ATXN7L3: variants seen among roughly 807,000 people sequenced by gnomAD.
The protein encoded by ATXN7L3 is ataxin 7 like 3.
In ATXN7L3, 6 loss-of-function variants were observed where a neutral mutation model predicts 50.0. The ratio of observed to expected loss-of-function variants is 0.12; its 90% CI spans 0.07 to 0.24. The LOEUF is 0.24. Among genes scored for constraint, ATXN7L3 ranks in the 10% least tolerant of loss-of-function variants. ATXN7L3 has a pLI of 1.00. For missense variants in ATXN7L3, 322 were observed against 451.3 expected, an observed-to-expected ratio of 0.71 and a Z score of 2.60; for synonymous variants, 198 against 165.8, an observed-to-expected ratio of 1.19 and a Z score of -1.49.
In ATXN7L3 at chr17:44,193,515, T is replaced by G. The variant is rs2055771552; in HGVS notation, c.*748A>C. ...AGGGAGGAGAGGCAGGGGGAGGAATTCTGACACTTCTCCCTCTTCCTACCC... is the reference window on the plus strand; with the variant it reads ...AGGGAGGAGAGGCAGGGGGAGGAATGCTGACACTTCTCCCTCTTCCTACCC... On this transcript the variant is annotated 3_prime_UTR_variant, in exon 13 of 13. Transcript: ENST00000587097. The G allele has an allele frequency of 6.6e-6, 1 of 152,592 alleles. No homozygotes were observed. The highest frequency in any genetic ancestry group is 2.4e-5 in the African/African-American group (1 of 41,430). The allele number at this position is 152,592 out of a possible 1,614,324, so 9.5% of individuals were successfully genotyped here.
Position 44,194,796 on chromosome 17 carries a change from C to A in ATXN7L3, c.709G>T (p.Val237Leu). 2 of 1,614,164 alleles carry A rather than the reference C, an allele frequency of 1.2e-6. No individual in the cohort carries two copies. The highest frequency in any genetic ancestry group is 1.7e-6 in the Non-Finnish European group (2 of 1,180,012). ...GAGGGCCCGAGAAAATAAATCCGTA[C>A]GGTTCGCCTCTGCTCATCTGTGTGC... ...PQHTDEQRRT[V>L]RIYFLGPSAV... is the part of the protein sequence containing the mutation. Residue 237 changes from valine to leucine, a missense_variant, in exon 11 of 13, where the codon GTA becomes TTA. By Grantham distance (32) the Val-to-Leu change is conservative. Coordinates refer to ENST00000587097, the MANE Select transcript of ATXN7L3 (RefSeq NM_001382309.1).
chr17:44,194,598 G>A lies in ATXN7L3; in HGVS notation c.814C>T (p.Leu272Phe). ...MTDSQALISR[L>F]QWDGSSDLSP... The stretch of plus-strand genomic sequence containing the variant: ...AGGTCAGAGGAGCCGTCCCACTGAA[G>A]CCGGCTGATCAGGGCCTGGCTGTCA... The change falls in exon 12 of 13, where the codon CTT (leucine) becomes TTT (phenylalanine). Residue 272 changes from leucine to phenylalanine, a missense_variant. Coordinates refer to ENST00000587097, the MANE Select transcript of ATXN7L3 (RefSeq NM_001382309.1). 1 of 1,613,954 alleles carries A rather than the reference G, an allele frequency of 6.2e-7. No homozygotes were observed. Among genetic ancestry groups the A allele is most frequent in the South Asian group, 1.1e-5 (1 of 91,086 alleles).
intron 1 of ATXN7L3, chr17:44,198,521 C>A (rs543015465): frequency 6.3e-6 from 1 of 159,990 alleles, no homozygotes; most frequent in East Asian, 1.8e-4. Context: ...AATACACCCC[C>A]CGCCTTCCCT....
At chr17:44,199,317 G>A (rs2144498624) in intron 1 of ATXN7L3, 179 bp downstream of exon 1, 1 of 151,108 alleles carries the variant, frequency 6.6e-6, no homozygotes, top group African/African-American at 2.4e-5. Context: ...GAGAGCCAGG[G>A]GCCCCGGCCC....
rs553334344 is a variant in ATXN7L3 at position 44,196,020 on chromosome 17, C to G, written c.523+14G>C. 11 of 1,608,524 alleles carry G rather than the reference C, an allele frequency of 6.8e-6. No homozygotes were observed. In the African/African-American group the frequency reaches 1.5e-4, roughly 22 times the overall value. ...CACAGCTAGAAGCATTCCCATTGCT[C>G]CGGCTCCACTTACCATTTTTGTGTT... On this transcript the variant is annotated intron_variant, in intron 7 of 12. Transcript: ENST00000587097.
At chr17:44,194,876 C>A (rs2055826141) in intron 10 of ATXN7L3, 37 bp from the exon 11 acceptor site, 1 of 1,610,074 alleles carries the variant, frequency 6.2e-7, no homozygotes, top group Non-Finnish European at 8.5e-7. Context: ...TTCTGAGGAA[C>A]TCAGGTAAAG....
rs1181671928 is a variant in ATXN7L3 at position 44,194,663 on chromosome 17, T to C, written c.749A>G (p.Glu250Gly). The C allele has an allele frequency of 2.5e-6, 4 of 1,613,928 alleles. No individual in the cohort carries two copies. Among genetic ancestry groups the C allele is most frequent in the Non-Finnish European group, 3.4e-6 (4 of 1,179,972 alleles). The change falls in exon 12 of 13, where the codon GAG becomes GGG. Residue 250 changes from glutamate to glycine, a missense_variant. Coordinates refer to ENST00000587097, the MANE Select transcript of ATXN7L3 (RefSeq NM_001382309.1). ...YFLGPSAVLP[E>G]VESSLDNDSF... ...GTCATTATCCAGGGAGCTCTCGACCTCTGGAAGGACACTGGAAAGGGGATG... is the reference window on the plus strand; with the variant it reads ...GTCATTATCCAGGGAGCTCTCGACCCCTGGAAGGACACTGGAAAGGGGATG...
In ATXN7L3 at chr17:44,195,240, G is replaced by A. The variant is rs556722642; in HGVS notation, c.622-100C>T. On this transcript the variant is annotated intron_variant, in intron 9 of 12. Transcript: ENST00000587097. ...AATGCTAGATAGCACAAGCAGAGATGGCCCAAAGGTGTCCAGAGCAGATGG... is the reference window on the plus strand; with the variant it reads ...AATGCTAGATAGCACAAGCAGAGATAGCCCAAAGGTGTCCAGAGCAGATGG... 1.8e-4 allele frequency: 256 copies of A among 1,422,570 alleles called. 1 individual carries two copies. In the South Asian group the frequency reaches 2.7e-3, roughly 15 times the overall value. 88.1% of individuals were successfully genotyped at this position (1,422,570 alleles called of 1,614,324 possible). A position where few individuals can be genotyped will look rare whatever the true frequency, so the allele number is the denominator to read the frequency against.
intron 8 of ATXN7L3, 134 bp downstream of exon 8, chr17:44,195,666 G>A: frequency 2.4e-6 from 3 of 1,226,240 alleles, no homozygotes; most frequent in Non-Finnish European, 3.6e-6. Flanking sequence ...GACTCAGAAA[G>A]AACATAAATA....
At chr17:44,196,231 C>T (rs1384526761) in intron 6 of ATXN7L3, 152 bp from the exon 7 acceptor site, 11 of 793,022 alleles carry the variant, frequency 1.4e-5, no homozygotes, top group Middle Eastern at 3.8e-4. Context: ...TGCCCTCCCC[C>T]ACCCCCCTTC....
chr17:44,196,226 T>TGCCCCCCCCCCCCCCAGCCCCC, intron 6 of ATXN7L3, 147 bp from the exon 7 acceptor site: 1 of 737,704 alleles, frequency 1.4e-6, no homozygotes, highest in Non-Finnish European at 2.1e-6. Flanking sequence ...CCATGTGCCC[T>TGCCCCCCCCCCCCCCAGCCCCC]CCCCCACCCC....
Position 44,197,586 on chromosome 17 carries a change from C to T in ATXN7L3, c.184+12G>A. 6.2e-7 allele frequency: 1 copy of T among 1,614,220 alleles called. No individual in the cohort carries two copies. Among genetic ancestry groups the T allele is most frequent in the Non-Finnish European group, 8.5e-7 (1 of 1,180,036 alleles). On this transcript the variant is annotated intron_variant, in intron 3 of 12. Transcript: ENST00000587097. Reference sequence around the variant, plus strand: ...AAGGGCTGGACTGCTGCTCCTTCACCCTGAAGCTCACCAAAATCCTTCATG... The same window carrying T: ...AAGGGCTGGACTGCTGCTCCTTCACTCTGAAGCTCACCAAAATCCTTCATG...
intron 5 of ATXN7L3, 68 bp downstream of exon 5, chr17:44,196,861 C>T: frequency 1.8e-6 from 2 of 1,100,652 alleles, no homozygotes; most frequent in East Asian, 2.4e-5. Context: ...TTTGTGACCA[C>T]TGTATACCCA....
In ATXN7L3 at chr17:44,194,279, T is replaced by C. The variant is rs2055798739; in HGVS notation, c.1028A>G (p.Tyr343Cys). 4 of 1,614,196 alleles carry C rather than the reference T, an allele frequency of 2.5e-6. No homozygotes were observed. The highest frequency in any genetic ancestry group is 1.1e-5 in the South Asian group (1 of 91,082). The change falls in exon 13 of 13, where the codon TAT (tyrosine) becomes TGT (cysteine). Residue 343 changes from tyrosine to cysteine, a missense_variant. Tyr to Cys is a radical substitution (Grantham distance 194, BLOSUM62 -2). Transcript: ENST00000587097. ...GCACCCAAGTCAGTTGATGTCATCA[T>C]AGATGCTGGGCGTCGGGGGTGCCGG... ...KPPAPPTPSI[Y>C]DDIN
At chr17:44,198,867 A>C (rs1434659861) in intron 1 of ATXN7L3, 1 of 152,536 alleles carries the variant, frequency 6.6e-6, no homozygotes, top group Non-Finnish European at 1.5e-5. Context: ...AAGAGCCCCA[A>C]AGTCCAGGAA....
At position 44,194,598 on chromosome 17, in the gene ATXN7L3, G is replaced by T; in HGVS notation, c.814C>A (p.Leu272Ile). The T allele has an allele frequency of 1.2e-6, 2 of 1,613,954 alleles. No homozygotes were observed. The highest frequency in any genetic ancestry group is 1.7e-6 in the Non-Finnish European group (2 of 1,180,030). The change falls in exon 12 of 13, where the codon CTT becomes ATT. Residue 272 changes from leucine to isoleucine, a missense_variant. Leu to Ile is a conservative substitution (Grantham distance 5). Around this residue, in one of 5 missense-constraint regions of ATXN7L3, gnomAD observed 122 missense variants for 130.8 expected, o/e 0.93. Transcript: ENST00000587097. ...MTDSQALISR[L>I]QWDGSSDLSP... ...AGGTCAGAGGAGCCGTCCCACTGAA[G>T]CCGGCTGATCAGGGCCTGGCTGTCA...
At chr17:44,196,439 A>C in intron 5 of ATXN7L3, 21 bp from the exon 6 acceptor site, 1 of 1,613,962 alleles carries the variant, frequency 6.2e-7, no homozygotes, top group Non-Finnish European at 8.5e-7. Flanking sequence ...CAAAAGCATA[A>C]AGAGCAGGGT....
rs112107164 is a variant in ATXN7L3 at position 44,197,214 on chromosome 17, T to C, written c.356+14A>G. Reference sequence around the variant, plus strand: ...GCACAGGCTGCAGAGAACGGGCAGCTCTGGTTCCCTCACCGGCGGTTGGCG... The same window carrying C: ...GCACAGGCTGCAGAGAACGGGCAGCCCTGGTTCCCTCACCGGCGGTTGGCG... On this transcript the variant is annotated intron_variant, in intron 4 of 12. Coordinates refer to ENST00000587097, the MANE Select transcript of ATXN7L3 (RefSeq NM_001382309.1). 236 of 1,584,716 alleles carry C rather than the reference T, an allele frequency of 1.5e-4. 3 individuals carry two copies. In the African/African-American group the frequency reaches 1.7e-3, roughly 12 times the overall value.
In ATXN7L3 at chr17:44,194,638, G is replaced by A; in HGVS notation, c.774C>T (p.Asp258=). Residue 258 remains aspartate, a synonymous_variant, in exon 12 of 13, where the codon GAC becomes GAT. Transcript: ENST00000587097. ...CCTGGCTGTCAGTCATGTCAAAGCT[G>A]TCATTATCCAGGGAGCTCTCGACCT... ...LPEVESSLDN[D]SFDMTDSQAL... is the part of the protein sequence containing the mutation. 1 of 1,614,082 alleles carries A rather than the reference G, an allele frequency of 6.2e-7. No individual in the cohort carries two copies. Among genetic ancestry groups the A allele is most frequent in the Non-Finnish European group, 8.5e-7 (1 of 1,180,032 alleles).
Sources: gnomAD v4.1 joint callset for allele counts on GRCh38, gnomAD v4.1.1 for gene constraint, gnomAD v4.1.1 regional missense constraint, MANE v1.5 for transcripts, NCBI Gene and HGNC (gene_info 2026-07-23, HGNC 2026-07-21) for gene names.